The following SLC22A13 variants were observed in gnomAD, a reference collection of about 807,000 sequenced individuals.
SLC22A13 encodes solute carrier family 22 member 13.
A neutral mutation model predicts 49.1 loss-of-function variants in SLC22A13; 42 were observed. That is an observed-to-expected ratio of 0.85 (90% confidence interval 0.67 to 1.11). SLC22A13 has a LOEUF of 1.11. SLC22A13 is among the 50% of genes least tolerant of loss of function. The pLI is 0.00. For synonymous variants in SLC22A13, 282 were observed against 293.1 expected (o/e 0.96, Z 0.39); for missense variants, 694 against 712.8 (o/e 0.97, Z 0.30).
chr3:38,274,503 C>G, intron 2 of SLC22A13, 101 bp from the exon 3 acceptor site: 1 of 1,467,440 alleles, frequency 6.8e-7, no homozygotes, highest in Non-Finnish European at 9.5e-7. Flanking sequence ...TCAAATGGGG[C>G]TCAGACAGAG....
At chr3:38,266,316 A>C (rs1375676242) in intron 1 of SLC22A13, 78 bp downstream of exon 1, 12 of 1,526,416 alleles carry the variant, frequency 7.9e-6, no homozygotes, top group Non-Finnish European at 1.1e-5. Context: ...GCCCTCAGTC[A>C]CTGGCTCTGT....
chr3:38,265,831 C>A lies in SLC22A13; in HGVS notation c.-30C>A. ...CAAGCTACAGAGCTACCCTAGTGTC[C>A]CCAGGCTGAGGAGGTAGTGACTGGC... On this transcript the variant is annotated 5_prime_UTR_variant, in exon 1 of 10. Coordinates refer to ENST00000311856, the MANE Select transcript of SLC22A13 (RefSeq NM_004256.4). 6.2e-7 allele frequency: 1 copy of A among 1,608,162 alleles called. No individual in the cohort carries two copies. Among genetic ancestry groups the A allele is most frequent in the Non-Finnish European group, 8.5e-7 (1 of 1,176,104 alleles).
chr3:38,276,305 C>T lies in SLC22A13; in HGVS notation c.1256C>T (p.Thr419Ile). The change falls in exon 8 of 10, where the codon ACC (threonine) becomes ATC (isoleucine). Residue 419 changes from threonine (T) to isoleucine (I), a missense_variant. Physicochemically the swap from Thr to Ile is moderately conservative, Grantham distance 89. Coordinates refer to ENST00000311856, the MANE Select transcript of SLC22A13 (RefSeq NM_004256.4). ...FIPADLPVVV[T>I]MLAVVGKMAT... ...CTGCCAGATCTGCCCGTGGTGGTCA[C>T]CATGCTGGCTGTGGTGGGGAAGATG... The T allele has an allele frequency of 6.2e-7, 1 of 1,613,278 alleles. No homozygotes were observed. The highest frequency in any genetic ancestry group is 8.5e-7 in the Non-Finnish European group (1 of 1,179,534).
intron 1 of SLC22A13, 74 bp downstream of exon 1, chr3:38,266,312 A>G (rs4679027): frequency 6.5e-7 from 1 of 1,537,778 alleles, no homozygotes; most frequent in African/African-American, 1.4e-5. Context: ...CTTCGCCCTC[A>G]GTCACTGGCT....
intron 1 of SLC22A13, among the ~76,000 whole-genome samples, chr3:38,267,825 AG>A (rs1472138789): frequency 9.2e-5 from 14 of 152,154 alleles, no homozygotes; most frequent in African/African-American, 3.4e-4. Context: ...TGGGGCACCA[AG>A]ATACTAGAAA....
In SLC22A13 at chr3:38,276,290, T is replaced by G. The variant is rs1575392252; in HGVS notation, c.1241T>G (p.Leu414Arg). The G allele has an allele frequency of 6.2e-7, 1 of 1,611,286 alleles. No individual in the cohort carries two copies. Among genetic ancestry groups the G allele is most frequent in the Non-Finnish European group, 8.5e-7 (1 of 1,178,380 alleles). Residue 414 changes from leucine to arginine, a missense_variant, in exon 8 of 10, where the codon CTG (leucine) becomes CGG (arginine). Transcript: ENST00000311856. ...CIIIIFIPAD[L>R]PVVVTMLAVV... is the part of the protein sequence containing the mutation. ...GGGGCTGTCTACCCTCTGCCAGATCTGCCCGTGGTGGTCACCATGCTGGCT... is the reference window on the plus strand; with the variant it reads ...GGGGCTGTCTACCCTCTGCCAGATCGGCCCGTGGTGGTCACCATGCTGGCT...
chr3:38,269,490 T>G (rs1330638004), intron 1 of SLC22A13, among the ~76,000 whole-genome samples: 2 of 152,096 alleles, frequency 1.3e-5, no homozygotes, highest in Non-Finnish European at 2.9e-5. Context: ...AGTCCTGACC[T>G]CAGGTGATCC....
In SLC22A13 at chr3:38,277,395, A is replaced by G; in HGVS notation, c.1586A>G (p.Glu529Gly). The stretch of plus-strand genomic sequence containing the variant: ...AGGTCCCCCAAATCAGTGCCCTCAG[A>G]GAAGGAAACAGAGGCCAAGGGAAGA... The part of the protein sequence containing the change: ...HPRSPKSVPS[E>G]KETEAKGRTS... Residue 529 changes from glutamate to glycine, a missense_variant, in exon 10 of 10, where the codon GAG (glutamate) becomes GGG (glycine). Physicochemically the swap from Glu to Gly is moderately conservative, Grantham distance 98 (BLOSUM62 -2). Coordinates refer to ENST00000311856, the MANE Select transcript of SLC22A13 (RefSeq NM_004256.4). The G allele has an allele frequency of 6.2e-7, 1 of 1,614,072 alleles. No individual in the cohort carries two copies. The highest frequency in any genetic ancestry group is 8.5e-7 in the Non-Finnish European group (1 of 1,179,912).
intron 1 of SLC22A13, among the ~76,000 whole-genome samples, chr3:38,269,693 G>A (rs1053403361): frequency 3.4e-4 from 51 of 152,194 alleles, no homozygotes; most frequent in African/African-American, 1.2e-3. Flanking sequence ...TGGAGGCTTG[G>A]TTAACAGCAT....
At chr3:38,270,023 C>T (rs1157056245) in intron 1 of SLC22A13, among the ~76,000 whole-genome samples, 1 of 151,996 alleles carries the variant, frequency 6.6e-6, no homozygotes, top group African/African-American at 2.4e-5. Context: ...CAATTTCATC[C>T]ATGTCCCTAC....
intron 1 of SLC22A13, among the ~76,000 whole-genome samples, chr3:38,272,346 C>T (rs1040838130): frequency 6.6e-6 from 1 of 152,190 alleles, no homozygotes; most frequent in Admixed American, 6.5e-5. Flanking sequence ...CTGAGAGCTT[C>T]GTGTGACATA....
chr3:38,267,002 CATGCCAGATACCTGCTGTCT>C (rs901806763), intron 1 of SLC22A13, among the ~76,000 whole-genome samples: 1 of 152,158 alleles, frequency 6.6e-6, no homozygotes, highest in Admixed American at 6.5e-5. Context: ...CTGGGGCTCT[CATGCCAGATACCTGCTGTCT>C]AGATTCCCAC....
intron 3 of SLC22A13, 84 bp from the exon 4 acceptor site, chr3:38,274,905 C>T: frequency 1.3e-6 from 2 of 1,570,880 alleles, no homozygotes; most frequent in Non-Finnish European, 1.7e-6. Flanking sequence ...GGCACTGAGG[C>T]CCAGCCCCCA....
rs1423451543 is a variant in SLC22A13 at position 38,277,026 on chromosome 3, C to T, written c.1461C>T (p.Ser487=). 1 of 1,606,486 alleles carries T rather than the reference C, an allele frequency of 6.2e-7. No individual in the cohort carries two copies. Among genetic ancestry groups the T allele is most frequent in the Non-Finnish European group, 8.5e-7 (1 of 1,176,718 alleles). Residue 487 remains serine (S), a synonymous_variant, in exon 9 of 10, where the codon AGC becomes AGT. Transcript: ENST00000311856. ...HAALPMLIYG[S]LPIVAGLLCT... ...CCCTCCCCATGCTCATCTACGGCAG[C>T]CTCCCCATCGTGGCCGGCCTGCTGT...
intron 4 of SLC22A13, 86 bp downstream of exon 4, chr3:38,275,243 C>T (rs550950816): frequency 6.3e-7 from 1 of 1,589,060 alleles, no homozygotes; most frequent in South Asian, 1.1e-5. Flanking sequence ...GTTCATAGGA[C>T]AGTCAGAGGT....
Position 38,276,929 on chromosome 3 carries a change from T to G in SLC22A13, c.1364T>G (p.Leu455Arg). ...TCCCCCAGGCAGACAGGCATGGGGC[T>G]GGTGGGCATCTTCTCACGGATCGGG... Reference protein sequence around the residue: ...PTILRQTGMGLVGIFSRIGGI... With the variant: ...PTILRQTGMGRVGIFSRIGGI... The change falls in exon 9 of 10, where the codon CTG becomes CGG. Residue 455 changes from leucine to arginine, a missense_variant. Physicochemically the swap from Leu to Arg is moderately radical, Grantham distance 102 (BLOSUM62 -2). Coordinates refer to ENST00000311856, the MANE Select transcript of SLC22A13 (RefSeq NM_004256.4). The G allele has an allele frequency of 1.2e-6, 2 of 1,613,834 alleles. No homozygotes were observed. The highest frequency in any genetic ancestry group is 1.7e-6 in the Non-Finnish European group (2 of 1,179,928).
At chr3:38,266,500 T>C (rs1270242287) in intron 1 of SLC22A13, among the ~76,000 whole-genome samples, 1 of 152,228 alleles carries the variant, frequency 6.6e-6, no homozygotes, top group Non-Finnish European at 1.5e-5. Context: ...TGTCTTTCCT[T>C]GTCTCTCTGG....
chr3:38,270,513 G>A (rs781202450), intron 1 of SLC22A13: 20 of 214,180 alleles, frequency 9.3e-5, no homozygotes, highest in East Asian at 8.9e-4. Context: ...GAATGAGGAC[G>A]GAGATACCAC....
In SLC22A13 at chr3:38,275,004, G is replaced by A; in HGVS notation, c.653G>A (p.Gly218Glu). 6.2e-7 allele frequency: 1 copy of A among 1,614,100 alleles called. No individual in the cohort carries two copies. The highest frequency in any genetic ancestry group is 8.5e-7 in the Non-Finnish European group (1 of 1,179,938). ...ATTGCCACAGTGACAGAATGGGTGG[G>A]GCCCTCATGGAGGACGCAGGCCGTG... ...SNVTLLTEWV[G>E]PSWRTQAVVL... is the part of the protein sequence containing the mutation. Residue 218 changes from glycine (G) to glutamate (E), a missense_variant, in exon 4 of 10, where the codon GGG (glycine) becomes GAG (glutamate). By Grantham distance (98) the Gly-to-Glu change is moderately conservative. Coordinates refer to ENST00000311856, the MANE Select transcript of SLC22A13 (RefSeq NM_004256.4).
Sources: gnomAD v4.1 joint callset for allele counts (sites outside exome capture counted in the v4.1 genomes callset) on GRCh38, gnomAD v4.1.1 for gene constraint, MANE v1.5 for transcripts, NCBI Gene and HGNC (gene_info 2026-07-23, HGNC 2026-07-21) for gene names.